Variants in PIK3C2G observed in about 807,000 individuals in gnomAD.
The protein encoded by PIK3C2G is phosphatidylinositol 3-kinase C2 domain-containing subunit gamma.
PIK3C2G carries 168 observed loss-of-function variants against 181.1 expected under a neutral mutation model. The ratio of observed to expected loss-of-function variants is 0.93; its 90% CI spans 0.82 to 1.05. The LOEUF (loss-of-function observed/expected upper bound fraction) is 1.05, where lower values mean the gene tolerates loss of function less well. Ranked by LOEUF, PIK3C2G falls within the 50% of genes least tolerant of loss-of-function variation. The probability of loss-of-function intolerance (pLI) is 0.00; values close to 1 mark genes in which losing one functional copy is unlikely to be tolerated. For synonymous variants in PIK3C2G, 573 were observed against 592.2 expected (o/e 0.97, Z 0.47); for missense variants, 1,869 against 1,732.8 (o/e 1.08, Z -1.40).
At chr12:18,610,624 T>G (rs956621877) in intron 31 of PIK3C2G, among the ~76,000 whole-genome samples, 5 of 152,114 alleles carry the variant, frequency 3.3e-5, no homozygotes, top group African/African-American at 1.2e-4. Context: ...TTTTTCTAAT[T>G]AAAACAATTA....
chr12:18,701,631 TCCTCCTC>T, the PIK3C2G span: 7 of 1,585,272 alleles, frequency 4.4e-6, no homozygotes, highest in Non-Finnish European at 6.0e-6. Flanking sequence ...CTCCTCCTCC[TCCTCCTC>T]CTCCTCCTCC....
At chr12:18,366,520 A>G (rs1941653616) in intron 12 of PIK3C2G, among the ~76,000 whole-genome samples, 1 of 152,190 alleles carries the variant, frequency 6.6e-6, no homozygotes, top group African/African-American at 2.4e-5. Context: ...ACAGAGTGAG[A>G]TTCTGTCTCA....
chr12:18,644,280 C>T (rs566581991), intron 32 of PIK3C2G, among the ~76,000 whole-genome samples: 1 of 152,190 alleles, frequency 6.6e-6, no homozygotes, highest in Non-Finnish European at 1.5e-5. Context: ...CAGGGAACTG[C>T]CATACAGCTT....
chr12:18,558,401 T>C (rs1945125713), intron 26 of PIK3C2G, among the ~76,000 whole-genome samples: 2 of 152,218 alleles, frequency 1.3e-5, no homozygotes, highest in Admixed American at 6.5e-5. Context: ...GATCACTTAC[T>C]ATGTACCAGT....
chr12:18,250,736 C>A (rs1948087869), intron 1 of PIK3C2G, among the ~76,000 whole-genome samples: 1 of 151,902 alleles, frequency 6.6e-6, no homozygotes, highest in Non-Finnish European at 1.5e-5. Context: ...ATATTAAAAA[C>A]AAAATAAGCA....
Position 18,282,438 on chromosome 12 carries a change from T to C in PIK3C2G, c.357T>C (p.Asn119=). The C allele has an allele frequency of 6.2e-6, 10 of 1,610,640 alleles. No individual in the cohort carries two copies. The highest frequency in any genetic ancestry group is 7.6e-6 in the Non-Finnish European group (9 of 1,178,346). Residue 119 remains asparagine, a synonymous_variant, in exon 2 of 33, where the codon AAT becomes AAC. Coordinates refer to ENST00000538779, the MANE Select transcript of PIK3C2G (RefSeq NM_001288772.2). ...CTTCTGTGTTACCAAAACCTCAAAATACGAATAAAGAATGCTCCTGGGGAA... is the reference window on the plus strand; with the variant it reads ...CTTCTGTGTTACCAAAACCTCAAAACACGAATAAAGAATGCTCCTGGGGAA... The part of the protein sequence containing the change: ...FSPSVLPKPQ[N]TNKECSWGSP...
chr12:18,420,266 A>G (rs1945404765), intron 16 of PIK3C2G, among the ~76,000 whole-genome samples: 1 of 152,156 alleles, frequency 6.6e-6, no homozygotes, highest in Admixed American at 6.5e-5. Context: ...TGACAATTTG[A>G]GGAATCCATT....
the PIK3C2G span, among the ~76,000 whole-genome samples, chr12:18,665,328 G>C: frequency 3.3e-5 from 5 of 151,936 alleles, no homozygotes; most frequent in Admixed American, 3.3e-4. Flanking sequence ...TGTAGAATGA[G>C]AATGTATTTA....
At chr12:18,381,745 T>C in intron 13 of PIK3C2G, 21 bp from the exon 14 acceptor site, 4 of 1,324,666 alleles carry the variant, frequency 3.0e-6, no homozygotes, top group Non-Finnish European at 4.4e-6. Flanking sequence ...TGTCTGTGTG[T>C]GTGTGTGTTG....
At chr12:18,703,672 G>A in the PIK3C2G span, among the ~76,000 whole-genome samples, 1 of 152,180 alleles carries the variant, frequency 6.6e-6, no homozygotes, top group East Asian at 1.9e-4. Flanking sequence ...TAACCCTTGT[G>A]TGGAAAATAC....
intron 13 of PIK3C2G, among the ~76,000 whole-genome samples, chr12:18,378,667 G>GA (rs1269588425): frequency 2.2e-4 from 34 of 151,876 alleles, no homozygotes; most frequent in Non-Finnish European, 2.9e-5. Flanking sequence ...AAATTTACAA[G>GA]AAAAAAACAA....
At chr12:18,636,552 G>A (rs373438165) in intron 31 of PIK3C2G, among the ~76,000 whole-genome samples, 51 of 152,268 alleles carry the variant, frequency 3.3e-4, no homozygotes, top group African/African-American at 1.2e-3. Flanking sequence ...AACAGGTATT[G>A]ATAAAAATAG....
chr12:18,706,009 C>T, the PIK3C2G span, among the ~76,000 whole-genome samples: 7 of 151,906 alleles, frequency 4.6e-5, no homozygotes, highest in Non-Finnish European at 1.0e-4. Context: ...GGTGGATCAC[C>T]TGGGGTCAGG....
chr12:18,522,114 C>T (rs1456332520), intron 24 of PIK3C2G, among the ~76,000 whole-genome samples: 1 of 152,222 alleles, frequency 6.6e-6, no homozygotes, highest in East Asian at 1.9e-4. Flanking sequence ...CCTTAATTGC[C>T]AGTGCAGGAT....
intron 30 of PIK3C2G, among the ~76,000 whole-genome samples, chr12:18,599,087 T>G (rs1212681320): frequency 1.3e-5 from 2 of 152,096 alleles, no homozygotes; most frequent in African/African-American, 4.8e-5. Context: ...GAAGTCAGTG[T>G]GGCAATTCCT....
At chr12:18,304,658 A>G (rs1420481331) in intron 5 of PIK3C2G, among the ~76,000 whole-genome samples, 2 of 152,242 alleles carry the variant, frequency 1.3e-5, no homozygotes, top group Non-Finnish European at 2.9e-5. Flanking sequence ...GAAAAAGGCT[A>G]AGTCATAATA....
At chr12:18,528,024 G>C (rs1943337139) in intron 24 of PIK3C2G, among the ~76,000 whole-genome samples, 1 of 152,026 alleles carries the variant, frequency 6.6e-6, no homozygotes, top group Admixed American at 6.6e-5. Flanking sequence ...TAATTGCAGA[G>C]AGCTTGGAGA....
chr12:18,550,363 C>G (rs990612595), intron 26 of PIK3C2G, among the ~76,000 whole-genome samples: 8 of 151,962 alleles, frequency 5.3e-5, no homozygotes, highest in Non-Finnish European at 1.0e-4. Context: ...TTTAATGGAA[C>G]TCTAAATAAC....
intron 32 of PIK3C2G, among the ~76,000 whole-genome samples, chr12:18,643,718 T>C (rs751348082): frequency 6.6e-6 from 1 of 151,982 alleles, no homozygotes; most frequent in African/African-American, 2.4e-5. Context: ...AAGAGCACCT[T>C]ACTAGATGTC....
Sources: gnomAD v4.1 joint callset for allele counts (sites outside exome capture counted in the v4.1 genomes callset) on GRCh38, gnomAD v4.1.1 for gene constraint, MANE v1.5 for transcripts, NCBI Gene and HGNC (gene_info 2026-07-23, HGNC 2026-07-21) for gene names.